CSMD3: variants seen among roughly 807,000 people sequenced by gnomAD.
CSMD3 encodes CUB and Sushi multiple domains 3.
A neutral mutation model predicts 435.2 loss-of-function variants in CSMD3; 177 were observed. The ratio of observed to expected loss-of-function variants is 0.41; its 90% CI spans 0.36 to 0.46. The LOEUF is 0.46. CSMD3 is among the 20% of genes least tolerant of loss of function. The pLI, the probability that CSMD3 is intolerant of heterozygous loss-of-function variation, is 0.34. For synonymous variants in CSMD3, 1,656 were observed against 1,520.5 expected (o/e 1.09, Z -2.07); for missense variants, 4,265 against 4,504.6 (o/e 0.95, Z 1.52).
At chr8:112,563,988 C>A (rs1159395811) in intron 24 of CSMD3, among the ~76,000 whole-genome samples, 2 of 151,990 alleles carry the variant, frequency 1.3e-5, no homozygotes, top group African/African-American at 4.8e-5. Context: ...GAGGAAGGCA[C>A]AGCTCACACG....
intron 12 of CSMD3, among the ~76,000 whole-genome samples, chr8:112,802,492 A>G (rs1216993044): frequency 6.6e-6 from 1 of 152,060 alleles, no homozygotes. Flanking sequence ...TGGATTGTAT[A>G]TTCCTAGCTA....
Position 112,996,797 on chromosome 8 carries a change from A to G in CSMD3, c.1031-20649T>C, listed in dbSNP as rs200113661. Among the ~76,000 whole-genome samples the G allele has an allele frequency of 1.6e-4, 24 of 151,776 alleles. No homozygotes were observed. The East Asian group carries it at 3.9e-3, about 24-fold the overall frequency. ...TTTAATTCAAAGGGTTAAATTTATT[A>G]TTCTAGATTATAAAAATCAATATAT... On this transcript the variant is annotated intron_variant, in intron 6 of 70. Coordinates refer to ENST00000297405, the MANE Select transcript of CSMD3 (RefSeq NM_198123.2).
intron 1 of CSMD3, among the ~76,000 whole-genome samples, chr8:113,390,302 C>T (rs897601160): frequency 4.0e-5 from 6 of 151,686 alleles, no homozygotes; most frequent in African/African-American, 1.5e-4. Context: ...CATATCAATG[C>T]CAAAACAATC....
chr8:113,215,251 A>G (rs570546309), intron 3 of CSMD3, among the ~76,000 whole-genome samples: 12 of 151,994 alleles, frequency 7.9e-5, no homozygotes, highest in African/African-American at 2.4e-4. Flanking sequence ...TGGTTGATCA[A>G]TTTCAAAATT....
At chr8:112,593,699 G>C (rs1185765586) in intron 22 of CSMD3, among the ~76,000 whole-genome samples, 1 of 152,026 alleles carries the variant, frequency 6.6e-6, no homozygotes, top group Non-Finnish European at 1.5e-5. Flanking sequence ...GTAGACAAAA[G>C]GGACATTCAA....
At chr8:112,321,584 T>A (rs1163220719) in intron 45 of CSMD3, among the ~76,000 whole-genome samples, 1 of 152,114 alleles carries the variant, frequency 6.6e-6, no homozygotes, top group Non-Finnish European at 1.5e-5. Context: ...TATAAGAGAT[T>A]AATTGGCTAA....
chr8:112,389,296 T>C (rs1369194941), intron 36 of CSMD3, among the ~76,000 whole-genome samples: 1 of 152,204 alleles, frequency 6.6e-6, no homozygotes, highest in African/African-American at 2.4e-5. Context: ...GAGAAGATTA[T>C]AACCAGATGA....
intron 5 of CSMD3, among the ~76,000 whole-genome samples, chr8:113,030,836 A>G (rs1468794068): frequency 6.6e-6 from 1 of 151,594 alleles, no homozygotes; most frequent in Non-Finnish European, 1.5e-5. Flanking sequence ...AAAGAAAAAA[A>G]TTCACAAAAT....
At position 113,142,518 on chromosome 8, in the gene CSMD3, A is replaced by T. The variant is rs563621086; in HGVS notation, c.709+31204T>A. Among the ~76,000 whole-genome samples, 3 of 151,318 alleles carry T rather than the reference A, an allele frequency of 2.0e-5. No individual in the cohort carries two copies. In the South Asian group the frequency reaches 6.2e-4, roughly 31 times the overall value. On this transcript the variant is annotated intron_variant, in intron 4 of 70. Coordinates refer to ENST00000297405, the MANE Select transcript of CSMD3 (RefSeq NM_198123.2). ...AAAGCTATAAAAGCAGTTCAATGAA[A>T]GAAAGATAACCATTTCAACAAATGG...
At chr8:112,349,600 C>G (rs1825966587) in intron 40 of CSMD3, among the ~76,000 whole-genome samples, 1 of 152,108 alleles carries the variant, frequency 6.6e-6, no homozygotes, top group Non-Finnish European at 1.5e-5. Flanking sequence ...ACACACACCA[C>G]ACAATATATT....
At chr8:113,390,448 G>C (rs2133149733) in intron 1 of CSMD3, among the ~76,000 whole-genome samples, 1 of 151,834 alleles carries the variant, frequency 6.6e-6, no homozygotes, top group East Asian at 1.9e-4. Context: ...TCTAAAATTT[G>C]AAAATAAATT....
intron 70 of CSMD3, among the ~76,000 whole-genome samples, chr8:112,226,588 C>T (rs1287698330): frequency 6.6e-6 from 1 of 152,018 alleles, no homozygotes; most frequent in Non-Finnish European, 1.5e-5. Context: ...AACTTTTGTA[C>T]ATCAAAGAAC....
chr8:113,229,733 C>T (rs1243978247), intron 3 of CSMD3, among the ~76,000 whole-genome samples: 3 of 151,542 alleles, frequency 2.0e-5, no homozygotes, highest in Admixed American at 6.6e-5. Context: ...AGTATATTAC[C>T]TATGCCAACA....
intron 59 of CSMD3, among the ~76,000 whole-genome samples, chr8:112,266,885 G>C (rs745787980): frequency 1.3e-5 from 2 of 152,230 alleles, no homozygotes; most frequent in Non-Finnish European, 2.9e-5. Context: ...AAAACTACAA[G>C]TTACACTTTA....
At position 112,288,729 on chromosome 8, in the gene CSMD3, G is replaced by T. The variant is rs1254288465; in HGVS notation, c.9148+636C>A. 2.6e-5 allele frequency among the ~76,000 whole-genome samples: 4 copies of T among 151,754 alleles called. No homozygotes were observed. In the South Asian group the frequency reaches 8.3e-4, roughly 31 times the overall value. On this transcript the variant is annotated intron_variant, in intron 57 of 70. Coordinates refer to ENST00000297405, the MANE Select transcript of CSMD3 (RefSeq NM_198123.2). ...TTTGAAAAAAAGTGGTAACTTAAAC[G>T]TTTATCTCAGAAAAGATTTACCAAA...
At position 112,883,803 on chromosome 8, in the gene CSMD3, A is replaced by C. The variant is rs548485627; in HGVS notation, c.1634-24537T>G. Among the ~76,000 whole-genome samples, 14 of 151,936 alleles carry C rather than the reference A, an allele frequency of 9.2e-5. No individual in the cohort carries two copies. In the South Asian group the frequency reaches 2.5e-3, roughly 27 times the overall value. On this transcript the variant is annotated intron_variant, in intron 10 of 70. Coordinates refer to ENST00000297405, the MANE Select transcript of CSMD3 (RefSeq NM_198123.2). ...TTGTAATTATTTCATATGTCTGTTT[A>C]GTCTCCTTCAATGCAAATTAATATT...
chr8:113,275,917 T>C (rs1302244502), intron 3 of CSMD3, among the ~76,000 whole-genome samples: 16 of 152,018 alleles, frequency 1.1e-4, no homozygotes. Context: ...TATTTTACTG[T>C]ATCATACACA....
intron 16 of CSMD3, among the ~76,000 whole-genome samples, chr8:112,677,525 G>C (rs569705911): frequency 5.4e-5 from 8 of 148,426 alleles, no homozygotes; most frequent in African/African-American, 2.0e-4. Context: ...CTAGATAACT[G>C]AGCCACATTA....
intron 13 of CSMD3, among the ~76,000 whole-genome samples, chr8:112,748,075 A>G (rs1276281867): frequency 6.6e-6 from 1 of 151,888 alleles, no homozygotes; most frequent in Non-Finnish European, 1.5e-5. Context: ...ACTGTTTCCC[A>G]CAGCCCTAGC....
Sources: gnomAD v4.1 joint callset for allele counts (sites outside exome capture counted in the v4.1 genomes callset) on GRCh38, gnomAD v4.1.1 for gene constraint, MANE v1.5 for transcripts, NCBI Gene and HGNC (gene_info 2026-07-23, HGNC 2026-07-21) for gene names.